Variants in SGCZ observed in about 807,000 individuals in gnomAD.
SGCZ encodes the protein sarcoglycan zeta, also known as zeta-sarcoglycan.
In SGCZ, 40 loss-of-function variants were observed where a neutral mutation model predicts 41.3. That is an observed-to-expected ratio of 0.97 (90% CI 0.75 to 1.26). SGCZ has a LOEUF of 1.26. SGCZ is among the 50% of genes most tolerant of loss of function. The pLI, the probability that SGCZ is intolerant of heterozygous loss-of-function variation, is 0.00. For synonymous variants in SGCZ, 206 were observed against 137.5 expected (o/e 1.50, Z -3.49); for missense variants, 552 against 369.8 (o/e 1.49, Z -4.04).
chr8:14,921,210 C>T (rs749840617), intron 1 of SGCZ, among the ~76,000 whole-genome samples: 6 of 152,244 alleles, frequency 3.9e-5, no homozygotes, highest in Middle Eastern at 3.4e-3. Context: ...AAGAGCAGCC[C>T]CAAACAATGC....
intron 3 of SGCZ, among the ~76,000 whole-genome samples, chr8:14,288,378 C>T (rs746001949): frequency 2.1e-4 from 32 of 151,952 alleles, no homozygotes; most frequent in Non-Finnish European, 1.9e-4. Context: ...TATCAAGTTC[C>T]GGAAATTCTT....
chr8:14,792,605 T>C (rs939829190), intron 1 of SGCZ, among the ~76,000 whole-genome samples: 1 of 152,096 alleles, frequency 6.6e-6, no homozygotes, highest in African/African-American at 2.4e-5. Context: ...TTAGGGTACA[T>C]GTGCACAATG....
rs967030334 is a variant in SGCZ at position 14,436,237 on chromosome 8, C to A, written c.235-112033G>T. 6.6e-5 allele frequency among the ~76,000 whole-genome samples: 10 copies of A among 152,308 alleles called. No homozygotes were observed. In the South Asian group the frequency reaches 1.9e-3, roughly 28 times the overall value. On this transcript the variant is annotated intron_variant, in intron 2 of 7. Transcript: ENST00000382080. ...AGCCACGGAACTCGTGGCACAGACC[C>A]TGGCGATGAGCCTCTTGAATCACAG...
chr8:15,053,944 C>T (rs1804612642), intron 1 of SGCZ, among the ~76,000 whole-genome samples: 1 of 152,110 alleles, frequency 6.6e-6, no homozygotes, highest in Admixed American at 6.5e-5. Flanking sequence ...GCCTTATCAT[C>T]CTTGACAAAA....
intron 2 of SGCZ, among the ~76,000 whole-genome samples, chr8:14,503,695 G>A (rs879450531): frequency 9.3e-5 from 14 of 151,138 alleles, no homozygotes; most frequent in Non-Finnish European, 1.8e-4. Context: ...TTGAACCTGG[G>A]AGGTGGAGGT....
intron 4 of SGCZ, among the ~76,000 whole-genome samples, chr8:14,182,237 G>C (rs1056713291): frequency 2.0e-5 from 3 of 152,142 alleles, no homozygotes; most frequent in African/African-American, 7.2e-5. Context: ...GTTTGCTTAA[G>C]GGCATATGTC....
At chr8:14,210,709 C>T (rs942347783) in intron 4 of SGCZ, among the ~76,000 whole-genome samples, 5 of 151,936 alleles carry the variant, frequency 3.3e-5, no homozygotes, top group Admixed American at 1.3e-4. Flanking sequence ...TCAGGTGATC[C>T]GCTTGCCTCG....
At chr8:14,234,567 A>C (rs1188786286) in intron 4 of SGCZ, among the ~76,000 whole-genome samples, 1 of 152,084 alleles carries the variant, frequency 6.6e-6, no homozygotes, top group African/African-American at 2.4e-5. Flanking sequence ...AGAGTAACTG[A>C]AATTCTTTTC....
intron 1 of SGCZ, among the ~76,000 whole-genome samples, chr8:15,195,090 G>C (rs761967653): frequency 1.3e-5 from 2 of 151,482 alleles, no homozygotes; most frequent in Non-Finnish European, 3.0e-5. Context: ...CTTAAATCAA[G>C]ATTTAGTTTT....
chr8:14,376,278 T>C (rs1804122957), intron 2 of SGCZ, among the ~76,000 whole-genome samples: 1 of 152,054 alleles, frequency 6.6e-6, no homozygotes, highest in African/African-American at 2.4e-5. Context: ...GCCACTGCAC[T>C]CTAGCCTGGG....
At chr8:14,723,243 A>C (rs1809947111) in intron 1 of SGCZ, among the ~76,000 whole-genome samples, 1 of 152,212 alleles carries the variant, frequency 6.6e-6, no homozygotes, top group African/African-American at 2.4e-5. Flanking sequence ...TGAATGGAGA[A>C]AGATGCAAAT....
intron 2 of SGCZ, among the ~76,000 whole-genome samples, chr8:14,485,258 C>G (rs1801641281): frequency 6.6e-6 from 1 of 152,126 alleles, no homozygotes; most frequent in South Asian, 2.1e-4. Flanking sequence ...TTTTCTTTTT[C>G]TCCTCCCTCC....
In SGCZ at chr8:15,060,644, C is replaced by G. The variant is rs559627722; in HGVS notation, c.39+176941G>C. On this transcript the variant is annotated intron_variant, in intron 1 of 7. Transcript: ENST00000382080. ...ATAGGTAACAAACCTACACACTGTG[C>G]ACATGTACCCGAAAACTTAAAGTAT... Among the ~76,000 whole-genome samples the G allele has an allele frequency of 5.5e-5, 8 of 145,098 alleles. No homozygotes were observed. The East Asian group carries it at 1.7e-3, about 30-fold the overall frequency.
intron 1 of SGCZ, among the ~76,000 whole-genome samples, chr8:14,978,536 C>T (rs904711580): frequency 7.0e-6 from 1 of 143,670 alleles, no homozygotes; most frequent in African/African-American, 2.6e-5. Context: ...GTGTATTTCA[C>T]CTTAAATTTC....
intron 2 of SGCZ, among the ~76,000 whole-genome samples, chr8:14,391,910 C>T (rs987000174): frequency 2.6e-5 from 4 of 152,050 alleles, no homozygotes; most frequent in African/African-American, 4.8e-5. Context: ...GCTCCTGCCA[C>T]ATCCTCTTTA....
intron 2 of SGCZ, among the ~76,000 whole-genome samples, chr8:14,505,038 A>G (rs1802264323): frequency 6.6e-6 from 1 of 152,124 alleles, no homozygotes; most frequent in Non-Finnish European, 1.5e-5. Flanking sequence ...TAAATTATAA[A>G]ATATGGAGGC....
chr8:14,617,705 G>C (rs747368463), intron 1 of SGCZ, among the ~76,000 whole-genome samples: 15 of 152,088 alleles, frequency 9.9e-5, no homozygotes, highest in Non-Finnish European at 1.8e-4. Context: ...GTAGTATTTA[G>C]CTAGACTGAA....
chr8:15,096,644 G>A (rs1485426467), intron 1 of SGCZ, among the ~76,000 whole-genome samples: 1 of 151,952 alleles, frequency 6.6e-6, no homozygotes, highest in African/African-American at 2.4e-5. Context: ...TTTACAAATT[G>A]TAAATATCTT....
intron 1 of SGCZ, among the ~76,000 whole-genome samples, chr8:14,730,290 T>C (rs1208243680): frequency 2.0e-5 from 3 of 152,080 alleles, no homozygotes; most frequent in Admixed American, 6.6e-5. Flanking sequence ...AATATAGATA[T>C]AGAGAAAAAT....
Sources: gnomAD v4.1 joint callset for allele counts (sites outside exome capture counted in the v4.1 genomes callset) on GRCh38, gnomAD v4.1.1 for gene constraint, MANE v1.5 for transcripts, NCBI Gene and HGNC (gene_info 2026-07-23, HGNC 2026-07-21) for gene names.